FGF10: variants seen among roughly 807,000 people sequenced by gnomAD.
FGF10 encodes fibroblast growth factor 10.
A neutral mutation model predicts 19.8 loss-of-function variants in FGF10; 2 were observed. The ratio of observed to expected loss-of-function variants is 0.10; its 90% confidence interval spans 0.04 to 0.32. The LOEUF (loss-of-function observed/expected upper bound fraction) is 0.32, where lower values mean the gene tolerates loss of function less well. Among genes scored for constraint, FGF10 ranks in the 10% least tolerant of loss-of-function variants. FGF10 has a pLI of 1.00. For missense variants in FGF10, 191 were observed against 246.3 expected (o/e 0.78, Z 1.50); for synonymous variants, 112 against 94.0 (o/e 1.19, Z -1.10).
chr5:44,330,768 T>C (rs1479945465), intron 1 of FGF10, among the ~76,000 whole-genome samples: 1 of 152,184 alleles, frequency 6.6e-6, no homozygotes, highest in Non-Finnish European at 1.5e-5. Context: ...ACATAGCTTA[T>C]GTAAGCAATA....
chr5:44,349,451 T>TATATATCAGA lies in FGF10; in HGVS notation c.325+38906_325+38907insTCTGATATAT, dbSNP rs1554038143. Among the ~76,000 whole-genome samples, 83 of 16,708 alleles carry TATATATCAGA rather than the reference T, an allele frequency of 5.0e-3. 2 individuals carry two copies. Among genetic ancestry groups the TATATATCAGA allele is most frequent in the Non-Finnish European group, 6.5e-3 (41 of 6,340 alleles). The allele number at this position is 16,708 out of a possible 152,430, so 11.0% of individuals were successfully genotyped here. ...ATATATATATATATATATATATATA[T>TATATATCAGA]ATATATATATATATATATCAGAATA... On this transcript the variant is annotated intron_variant, in intron 1 of 2. Coordinates refer to ENST00000264664, the MANE Select transcript of FGF10 (RefSeq NM_004465.2).
intron 1 of FGF10, among the ~76,000 whole-genome samples, chr5:44,352,816 CAGA>C (rs1741265085): frequency 2.0e-5 from 3 of 151,470 alleles, no homozygotes; most frequent in African/African-American, 7.3e-5. Context: ...TTGTACCTAA[CAGA>C]AGGATTTTTC....
chr5:44,303,913 A>G lies in FGF10; in HGVS notation c.*1082T>C, dbSNP rs1740016029. The G allele has an allele frequency of 6.6e-6, 1 of 152,224 alleles. No homozygotes were observed. 9.4% of individuals were successfully genotyped at this position (152,224 alleles called of 1,614,324 possible). A position where few individuals can be genotyped will look rare whatever the true frequency, so the allele number is the denominator to read the frequency against. ...CCTCTTTACCGCCATGACATTTGGC[A>G]AGAAATCATGAGTAAATAATGAGGC... On this transcript the variant is annotated 3_prime_UTR_variant, in exon 3 of 3. Transcript: ENST00000264664.
intron 1 of FGF10, among the ~76,000 whole-genome samples, chr5:44,384,125 C>A (rs997115285): frequency 6.6e-6 from 1 of 152,000 alleles, no homozygotes; most frequent in African/African-American, 2.4e-5. Flanking sequence ...CTGCAACAGT[C>A]CAATTTATCA....
intron 1 of FGF10, among the ~76,000 whole-genome samples, chr5:44,331,278 T>C (rs1034885654): frequency 5.9e-5 from 9 of 152,198 alleles, no homozygotes; most frequent in Non-Finnish European, 1.2e-4. Flanking sequence ...AAGACTTTGC[T>C]TATTACATTT....
intron 2 of FGF10, among the ~76,000 whole-genome samples, chr5:44,309,627 G>C (rs1004448832): frequency 1.1e-4 from 16 of 152,004 alleles, no homozygotes; most frequent in Non-Finnish European, 2.4e-4. Context: ...TTTTTTCTAA[G>C]GACTTGAGCA....
In FGF10 at chr5:44,388,918, ATGG is replaced by A; in HGVS notation, c.-239_-237del. The A allele has an allele frequency of 6.8e-6, 4 of 587,452 alleles. No homozygotes were observed. Among genetic ancestry groups the A allele is most frequent in the Non-Finnish European group, 1.2e-5 (4 of 326,348 alleles). The allele number at this position is 587,452 out of a possible 1,614,324, so 36.4% of individuals were successfully genotyped here. On this transcript the variant is annotated 5_prime_UTR_variant, in exon 1 of 3. Coordinates refer to ENST00000264664, the MANE Select transcript of FGF10 (RefSeq NM_004465.2). The stretch of plus-strand genomic sequence containing the variant: ...CTACGCCTCTGGAGCCTCCCGGTAA[ATGG>A]TGGACGTGGGTGGCCGCAGCAGCAG...
At chr5:44,346,513 C>A (rs1741093713) in intron 1 of FGF10, among the ~76,000 whole-genome samples, 2 of 151,768 alleles carry the variant, frequency 1.3e-5, no homozygotes, top group African/African-American at 2.4e-5. Context: ...CCAAACTTCT[C>A]CCACTACTCT....
At chr5:44,352,954 T>C (rs1434659727) in intron 1 of FGF10, among the ~76,000 whole-genome samples, 1 of 151,572 alleles carries the variant, frequency 6.6e-6, no homozygotes, top group African/African-American at 2.4e-5. Context: ...TCACAAGAAT[T>C]GTTGAGATAC....
chr5:44,366,127 CTTTTTTT>C lies in FGF10; in HGVS notation c.325+22224_325+22230del, dbSNP rs35522683. 3.7e-3 allele frequency among the ~76,000 whole-genome samples: 278 copies of C among 74,838 alleles called. 2 individuals carry two copies. The highest frequency in any genetic ancestry group is 0.013 in the African/African-American group (265 of 19,826). The allele number at this position is 74,838 out of a possible 152,430, so 49.1% of individuals were successfully genotyped here. On this transcript the variant is annotated intron_variant, in intron 1 of 2. Coordinates refer to ENST00000264664, the MANE Select transcript of FGF10 (RefSeq NM_004465.2). ...CTCTCACCTCTATATCAATTATTTC[CTTTTTTT>C]TTTTTTTTTTTTTTTTTGCTGTTTT...
At chr5:44,365,525 C>T (rs2111868011) in intron 1 of FGF10, among the ~76,000 whole-genome samples, 1 of 152,008 alleles carries the variant, frequency 6.6e-6, no homozygotes, top group Non-Finnish European at 1.5e-5. Context: ...TGAGCCATGA[C>T]TAACACGTAC....
In FGF10 at chr5:44,310,525, G is replaced by A. The variant is rs1249023724; in HGVS notation, c.331C>T (p.Leu111=). The part of the protein sequence containing the change: ...TKKENCPYSI[L]EITSVEIGVV... ...CCGATTTCTACTGATGTTATCTCCA[G>A]GATGCCTAAAACATACAATTTTAAA... The change falls in exon 2 of 3, where the codon CTG becomes TTG. Residue 111 remains leucine (L), a synonymous_variant. Transcript: ENST00000264664. 1 of 1,606,278 alleles carries A rather than the reference G, an allele frequency of 6.2e-7. No individual in the cohort carries two copies. The highest frequency in any genetic ancestry group is 1.3e-5 in the African/African-American group (1 of 74,692).
At chr5:44,351,265 T>G (rs1436963067) in intron 1 of FGF10, among the ~76,000 whole-genome samples, 2 of 151,556 alleles carry the variant, frequency 1.3e-5, no homozygotes, top group African/African-American at 4.8e-5. Flanking sequence ...TTTTCTTATA[T>G]AAATAAGTGG....
chr5:44,341,867 T>A (rs1406335969), intron 1 of FGF10, among the ~76,000 whole-genome samples: 1 of 151,974 alleles, frequency 6.6e-6, no homozygotes, highest in Non-Finnish European at 1.5e-5. Flanking sequence ...AGAATTTATG[T>A]AAGTAATACA....
At chr5:44,368,270 G>A (rs979125460) in intron 1 of FGF10, among the ~76,000 whole-genome samples, 1 of 152,042 alleles carries the variant, frequency 6.6e-6, no homozygotes, top group Non-Finnish European at 1.5e-5. Flanking sequence ...TTGATGGATG[G>A]CATTTTTCAA....
rs554425523 is a variant in FGF10 at position 44,317,505 on chromosome 5, G to A, written c.326-6975C>T. Reference sequence around the variant, plus strand: ...CATTGTCATTGATCTAACATTAAAAGTATCAGAAACTTACAATGCAATATA... The same window carrying A: ...CATTGTCATTGATCTAACATTAAAAATATCAGAAACTTACAATGCAATATA... On this transcript the variant is annotated intron_variant, in intron 1 of 2. Coordinates refer to ENST00000264664, the MANE Select transcript of FGF10 (RefSeq NM_004465.2). Among the ~76,000 whole-genome samples, 4 of 152,172 alleles carry A rather than the reference G, an allele frequency of 2.6e-5. No homozygotes were observed. In the South Asian group the frequency reaches 8.3e-4, roughly 32 times the overall value.
chr5:44,370,663 T>C (rs1335390029), intron 1 of FGF10, among the ~76,000 whole-genome samples: 1 of 152,150 alleles, frequency 6.6e-6, no homozygotes, highest in Non-Finnish European at 1.5e-5. Flanking sequence ...AAAGCTCCAT[T>C]ACCCTAAGAC....
chr5:44,312,521 A>G (rs952675609), intron 1 of FGF10, among the ~76,000 whole-genome samples: 1 of 152,094 alleles, frequency 6.6e-6, no homozygotes. Flanking sequence ...TGACTCATCA[A>G]GATAATTTTC....
chr5:44,383,491 C>T (rs1157595841), intron 1 of FGF10, among the ~76,000 whole-genome samples: 6 of 152,024 alleles, frequency 3.9e-5, no homozygotes, highest in Admixed American at 6.6e-5. Context: ...ACTGAAATAT[C>T]CAAGACCTAG....
Sources: allele counts gnomAD v4.1 joint callset (sites outside exome capture counted in the v4.1 genomes callset), GRCh38; gene constraint gnomAD v4.1.1; transcripts MANE v1.5; gene names NCBI Gene and HGNC (gene_info 2026-07-23, HGNC 2026-07-21).